MAN1A1: variants seen among roughly 807,000 people sequenced by gnomAD.
MAN1A1 encodes mannosyl-oligosaccharide 1,2-alpha-mannosidase IA.
In MAN1A1, 29 loss-of-function variants were observed where a neutral mutation model predicts 70.8. The ratio of observed to expected loss-of-function variants is 0.41; its 90% CI spans 0.31 to 0.56. The LOEUF is 0.56. Ranked by LOEUF, MAN1A1 falls within the 20% of genes least tolerant of loss-of-function variation. MAN1A1 has a pLI of 0.29. For synonymous variants in MAN1A1, 349 were observed against 330.1 expected (o/e 1.06, Z -0.62); for missense variants, 747 against 841.3 (o/e 0.89, Z 1.39).
intron 9 of MAN1A1, among the ~76,000 whole-genome samples, chr6:119,192,098 T>C (rs1773457560): frequency 6.6e-6 from 1 of 152,180 alleles, no homozygotes; most frequent in Admixed American, 6.5e-5. Flanking sequence ...TACTAAAAGT[T>C]GTGTGGGTAT....
intron 5 of MAN1A1, among the ~76,000 whole-genome samples, chr6:119,261,917 T>C (rs1377658726): frequency 6.6e-6 from 1 of 152,184 alleles, no homozygotes; most frequent in East Asian, 1.9e-4. Flanking sequence ...AAGAGTGAGA[T>C]AGCAGCATGT....
rs193086935 is a variant in MAN1A1, at chr6:119,202,599, T to C, written c.1117-1252A>G. Reference sequence around the variant, plus strand: ...TATATGTGCTATACTTTTATGTGACTGGGAGTAGAGTATGTTTATGCCATC... The same window carrying C: ...TATATGTGCTATACTTTTATGTGACCGGGAGTAGAGTATGTTTATGCCATC... On this transcript the variant is annotated intron_variant, in intron 7 of 12. Transcript: ENST00000368468. Among the ~76,000 whole-genome samples, 262 of 152,354 alleles carry C rather than the reference T, an allele frequency of 1.7e-3. 2 individuals carry two copies. Among genetic ancestry groups the C allele is most frequent in the African/African-American group, 6.1e-3 (253 of 41,568 alleles).
chr6:119,248,372 T>TA lies in MAN1A1; in HGVS notation c.898-19dup. 1 of 1,393,552 alleles carries TA rather than the reference T, an allele frequency of 7.2e-7. No homozygotes were observed. Among genetic ancestry groups the TA allele is most frequent in the Non-Finnish European group, 1.0e-6 (1 of 978,764 alleles). 86.3% of individuals were successfully genotyped at this position (1,393,552 alleles called of 1,614,324 possible). ...CGAAAAATCTGAAAAGTCAAACAGT[T>TA]AACTGTAAGCTACTGTTGCAAGCAA... is the stretch of plus-strand genomic sequence containing the variant. On this transcript the variant is annotated intron_variant, in intron 5 of 12. Coordinates refer to ENST00000368468, the MANE Select transcript of MAN1A1 (RefSeq NM_005907.4).
At chr6:119,230,269 C>T (rs1774641599) in intron 6 of MAN1A1, among the ~76,000 whole-genome samples, 1 of 152,148 alleles carries the variant, frequency 6.6e-6, no homozygotes, top group South Asian at 2.1e-4. Context: ...TGCTTTATGG[C>T]TCTTGAGACA....
chr6:119,348,597 CCTT>C lies in MAN1A1; in HGVS notation c.466_468del (p.Lys156del), dbSNP rs745861734. On this transcript the variant is annotated inframe_deletion, in exon 2 of 13. Coordinates refer to ENST00000368468, the MANE Select transcript of MAN1A1 (RefSeq NM_005907.4). ...TTGTCACGCAGCTGGTCCTGGGCCA[CCTT>C]CTTCTTCTCCAGTAGGATGTCTCTT... The C allele has an allele frequency of 6.8e-6, 11 of 1,613,918 alleles. No individual in the cohort carries two copies. The highest frequency in any genetic ancestry group is 5.5e-5 in the South Asian group (5 of 91,056).
intron 4 of MAN1A1, among the ~76,000 whole-genome samples, chr6:119,293,964 A>C (rs1436931996): frequency 6.6e-6 from 1 of 152,048 alleles, no homozygotes; most frequent in Non-Finnish European, 1.5e-5. Flanking sequence ...CAATGTACAC[A>C]ATAGCTGGTA....
At chr6:119,210,204 A>G (rs1774009333) in intron 6 of MAN1A1, among the ~76,000 whole-genome samples, 2 of 152,172 alleles carry the variant, frequency 1.3e-5, no homozygotes, top group South Asian at 2.1e-4. Flanking sequence ...TGCTCCTGAG[A>G]GGTTCAAAGA....
intron 6 of MAN1A1, among the ~76,000 whole-genome samples, chr6:119,207,575 C>T (rs1773905371): frequency 1.3e-5 from 2 of 152,220 alleles, no homozygotes; most frequent in Admixed American, 6.5e-5. Flanking sequence ...AGAGAAATGG[C>T]TGCCTCCTGT....
At chr6:119,237,485 G>A (rs1382983779) in intron 6 of MAN1A1, among the ~76,000 whole-genome samples, 1 of 152,058 alleles carries the variant, frequency 6.6e-6, no homozygotes, top group Non-Finnish European at 1.5e-5. Context: ...CACTGCTGCC[G>A]TCAGTCAGTA....
intron 5 of MAN1A1, among the ~76,000 whole-genome samples, chr6:119,278,148 AAAAAC>A (rs1197168721): frequency 1.3e-5 from 2 of 151,780 alleles, no homozygotes; most frequent in African/African-American, 2.4e-5. Context: ...TCAATTCTGA[AAAAAC>A]AAAACAAAAC....
intron 6 of MAN1A1, among the ~76,000 whole-genome samples, chr6:119,244,661 T>C (rs564146929): frequency 6.6e-6 from 1 of 152,214 alleles, no homozygotes; most frequent in East Asian, 1.9e-4. Context: ...ACTTGACTTA[T>C]TGATGTTTTG....
intron 7 of MAN1A1, among the ~76,000 whole-genome samples, chr6:119,202,692 T>C (rs113826842): frequency 3.9e-5 from 6 of 152,150 alleles, no homozygotes; most frequent in Non-Finnish European, 7.4e-5. Flanking sequence ...CACAAGGCCG[T>C]AGGAATTTTG....
intron 5 of MAN1A1, among the ~76,000 whole-genome samples, chr6:119,284,049 T>C (rs1046815519): frequency 6.6e-6 from 1 of 152,280 alleles, no homozygotes; most frequent in South Asian, 2.1e-4. Context: ...CTTACAGGTC[T>C]CATCAAGTTT....
intron 6 of MAN1A1, among the ~76,000 whole-genome samples, chr6:119,233,912 A>G (rs1213591252): frequency 6.6e-6 from 1 of 152,248 alleles, no homozygotes; most frequent in Middle Eastern, 3.2e-3. Context: ...GAATTATTAC[A>G]TTATCACAAT....
At chr6:119,304,097 T>C (rs1423458480) in intron 3 of MAN1A1, among the ~76,000 whole-genome samples, 1 of 152,216 alleles carries the variant, frequency 6.6e-6, no homozygotes. Context: ...AAGTGAAAAT[T>C]ATTTCACTGG....
Position 119,193,910 on chromosome 6 carries a change from T to C in MAN1A1, c.1211-18A>G. On this transcript the variant is annotated intron_variant, in intron 8 of 12. Coordinates refer to ENST00000368468, the MANE Select transcript of MAN1A1 (RefSeq NM_005907.4). ...TACATGATCTGGAAAGAGAGGGAAA[T>C]GAATTTTAGAGTGATTCAGCTTTTA... 6.6e-7 allele frequency: 1 copy of C among 1,513,458 alleles called. No individual in the cohort carries two copies. Among genetic ancestry groups the C allele is most frequent in the Non-Finnish European group, 9.2e-7 (1 of 1,091,442 alleles). The allele number at this position is 1,513,458 out of a possible 1,614,324, so 93.8% of individuals were successfully genotyped here.
At chr6:119,183,613 G>A (rs1007886019) in intron 11 of MAN1A1, among the ~76,000 whole-genome samples, 4 of 152,100 alleles carry the variant, frequency 2.6e-5, no homozygotes, top group Middle Eastern at 3.2e-3. Flanking sequence ...GCTAATGAGA[G>A]GGCCAGCCAT....
At position 119,198,819 on chromosome 6, in the gene MAN1A1, TAC is replaced by T. The variant is rs1252945007; in HGVS notation, c.1210+2433_1210+2434del. Among the ~76,000 whole-genome samples, 41 of 152,322 alleles carry T rather than the reference TAC, an allele frequency of 2.7e-4. 1 individual carries two copies. Among genetic ancestry groups the T allele is most frequent in the Non-Finnish European group, 2.9e-5 (2 of 68,024 alleles). On this transcript the variant is annotated intron_variant, in intron 8 of 12. Transcript: ENST00000368468. Reference sequence around the variant, plus strand: ...AAGACAAGTCAGCCTCACACAGTAATACAGTCAGAAAAAGAAAGGATATTTTA... The same window carrying T: ...AAGACAAGTCAGCCTCACACAGTAATAGTCAGAAAAAGAAAGGATATTTTA...
At chr6:119,332,095 A>G in intron 2 of MAN1A1, 1 of 387,374 alleles carries the variant, frequency 2.6e-6, no homozygotes. Flanking sequence ...GAGAATATGT[A>G]CATAAAGTGG....
Sources: gnomAD v4.1 joint callset for allele counts (sites outside exome capture counted in the v4.1 genomes callset) on GRCh38, gnomAD v4.1.1 for gene constraint, MANE v1.5 for transcripts, NCBI Gene and HGNC (gene_info 2026-07-23, HGNC 2026-07-21) for gene names.